The following REPS2 variants were observed in gnomAD, a reference collection of about 807,000 sequenced individuals.
REPS2 encodes the protein ralBP1-associated Eps domain-containing protein 2.
REPS2 carries 23 observed loss-of-function variants against 53.6 expected under a neutral mutation model. The ratio of observed to expected loss-of-function variants is 0.43; its 90% CI spans 0.31 to 0.61. REPS2 has a LOEUF of 0.61. Ranked by LOEUF, REPS2 falls within the 20% of genes least tolerant of loss-of-function variation. REPS2 has a pLI of 0.11. For synonymous variants in REPS2, 238 were observed against 218.6 expected (o/e 1.09, Z -0.78); for missense variants, 446 against 534.9 (o/e 0.83, Z 1.64).
the REPS2 span, among the ~76,000 whole-genome samples, chrX:17,184,619 G>A: frequency 9.1e-6 from 1 of 109,932 alleles, no homozygotes; most frequent in Non-Finnish European, 1.9e-5. Context: ...CTTCCACAAT[G>A]GTTGAACTAG....
chrX:17,076,469 A>G (rs1012944587), intron 12 of REPS2, among the ~76,000 whole-genome samples: 28 of 111,957 alleles, frequency 2.5e-4, no homozygotes, highest in Admixed American at 1.9e-4. Context: ...TAGGTCTCCA[A>G]TAAATATTCT....
At chrX:17,106,436 C>T (rs1005889320) in intron 14 of REPS2, among the ~76,000 whole-genome samples, 8 of 103,335 alleles carry the variant, frequency 7.7e-5, no homozygotes, top group Admixed American at 3.2e-4. Context: ...TTTTTTGAGA[C>T]GGAGTGTCGC....
At chrX:17,120,527 C>T (rs947829930) in intron 14 of REPS2, among the ~76,000 whole-genome samples, 2 of 111,664 alleles carry the variant, frequency 1.8e-5, no homozygotes, top group African/African-American at 6.5e-5. Flanking sequence ...ATAGTCAACC[C>T]TCAATAACAT....
chrX:17,050,745 A>G (rs1671769949), intron 6 of REPS2, among the ~76,000 whole-genome samples: 1 of 111,087 alleles, frequency 9.0e-6, no homozygotes, highest in African/African-American at 3.3e-5. Flanking sequence ...ATAGGTGTAT[A>G]TATTTATGGG....
chrX:17,148,811 G>C lies in REPS2; in HGVS notation c.*1330G>C, dbSNP rs920411759. On this transcript the variant is annotated 3_prime_UTR_variant, in exon 18 of 18. Transcript: ENST00000357277. ...CTTTGAGAGACCAATGGCAAGAAATGCTGTCTCTTGTGCATTTTACTAATT... is the reference window on the plus strand; with the variant it reads ...CTTTGAGAGACCAATGGCAAGAAATCCTGTCTCTTGTGCATTTTACTAATT... 2 of 302,314 alleles carry C rather than the reference G, an allele frequency of 6.6e-6. No homozygotes were observed. The highest frequency in any genetic ancestry group is 6.4e-6 in the Non-Finnish European group (1 of 157,070). 24.9% of individuals were successfully genotyped at this position (302,314 alleles called of 1,213,427 possible). A position where few individuals can be genotyped will look rare whatever the true frequency, so the allele number is the denominator to read the frequency against.
At chrX:17,180,049 T>C in the REPS2 span, among the ~76,000 whole-genome samples, 2 of 111,750 alleles carry the variant, frequency 1.8e-5, no homozygotes, top group African/African-American at 3.3e-5. Context: ...TGTGTATATA[T>C]GTTTGTAGGA....
At chrX:17,030,300 T>C (rs779608181) in intron 5 of REPS2, among the ~76,000 whole-genome samples, 1 of 94,101 alleles carries the variant, frequency 1.1e-5, no homozygotes, top group African/African-American at 3.8e-5. Flanking sequence ...GGGGAAGTTA[T>C]ATTCTCAAAG....
intron 9 of REPS2, 56 bp from the exon 10 acceptor site, chrX:17,068,346 G>C: frequency 1.1e-5 from 11 of 1,004,021 alleles, no homozygotes; most frequent in Non-Finnish European, 1.4e-5. Context: ...TCATATGTGC[G>C]CATCACTTAA....
intron 1 of REPS2, among the ~76,000 whole-genome samples, chrX:16,971,164 A>ACCT (rs1569099376): frequency 8.9e-6 from 1 of 112,152 alleles, no homozygotes; most frequent in Non-Finnish European, 1.9e-5. Flanking sequence ...GTTATTGTCT[A>ACCT]TCTTTTTGAT....
At chrX:17,034,071 T>C (rs748598884) in intron 5 of REPS2, among the ~76,000 whole-genome samples, 54 of 110,814 alleles carry the variant, frequency 4.9e-4, no homozygotes, top group Non-Finnish European at 8.3e-4. Context: ...CGATGTTTCC[T>C]TTTTTTTTCA....
chrX:17,116,916 C>G (rs1416541435), intron 14 of REPS2, among the ~76,000 whole-genome samples: 1 of 112,214 alleles, frequency 8.9e-6, no homozygotes, highest in Non-Finnish European at 1.9e-5. Flanking sequence ...AGTTCAATCT[C>G]ATTCTCAGTT....
At chrX:17,086,734 A>T (rs1389399941) in intron 13 of REPS2, among the ~76,000 whole-genome samples, 1 of 112,839 alleles carries the variant, frequency 8.9e-6, no homozygotes, top group Non-Finnish European at 1.9e-5. Context: ...TGTGACTATT[A>T]TGAAGCTTGT....
chrX:17,047,387 A>AC lies in REPS2; in HGVS notation c.816dup (p.Asp273ArgfsTer55). The AC allele has an allele frequency of 8.3e-7, 1 of 1,210,050 alleles. No homozygotes were observed. Among genetic ancestry groups the AC allele is most frequent in the Non-Finnish European group, 1.1e-6 (1 of 894,158 alleles). ...AGGGAACTACAGGATAACAGCAGTT[A>AC]CCCCGACGAACCCTGGAGGATAACA... On this transcript the variant is annotated frameshift_variant, in exon 6 of 18. Coordinates refer to ENST00000357277, the MANE Select transcript of REPS2 (RefSeq NM_004726.3). LOFTEE classifies it high-confidence loss of function.
At chrX:17,049,182 C>T (rs1217567943) in intron 6 of REPS2, among the ~76,000 whole-genome samples, 6 of 112,171 alleles carry the variant, frequency 5.3e-5, no homozygotes, top group Non-Finnish European at 7.5e-5. Flanking sequence ...CATGAGCCAC[C>T]GCACCTGGCC....
At chrX:17,012,556 T>C (rs780373554) in intron 2 of REPS2, among the ~76,000 whole-genome samples, 8 of 110,673 alleles carry the variant, frequency 7.2e-5, no homozygotes, top group East Asian at 5.7e-4. Context: ...TTTTTTTTTT[T>C]CCTAATCAAG....
intron 9 of REPS2, among the ~76,000 whole-genome samples, chrX:17,064,576 T>G (rs1209654303): frequency 8.9e-6 from 1 of 112,746 alleles, no homozygotes; most frequent in Admixed American, 9.4e-5. Context: ...AGTATATTTC[T>G]TTTTATGAGT....
At chrX:17,068,033 G>A (rs1040893894) in intron 9 of REPS2, among the ~76,000 whole-genome samples, 1 of 112,091 alleles carries the variant, frequency 8.9e-6, no homozygotes, top group African/African-American at 3.2e-5. Flanking sequence ...GACATTTTCG[G>A]CTGGGCGCGG....
chrX:16,969,178 A>C (rs1225187871), intron 1 of REPS2, among the ~76,000 whole-genome samples: 2 of 99,910 alleles, frequency 2.0e-5, no homozygotes, highest in Non-Finnish European at 4.1e-5. Context: ...GGCGGCCGGG[A>C]AGAGGCGCTC....
At chrX:17,046,523 C>T in intron 5 of REPS2, among the ~76,000 whole-genome samples, 1 of 111,630 alleles carries the variant, frequency 9.0e-6, no homozygotes. Context: ...TAAGGTGGCC[C>T]TTGGCAAGTA....
Sources: gnomAD v4.1 joint callset for allele counts (sites outside exome capture counted in the v4.1 genomes callset) on GRCh38, gnomAD v4.1.1 for gene constraint, MANE v1.5 for transcripts, NCBI Gene and HGNC (gene_info 2026-07-23, HGNC 2026-07-21) for gene names.